The following PVALB variants were observed in gnomAD, a reference collection of about 807,000 sequenced individuals.
The protein encoded by PVALB is parvalbumin alpha.
In PVALB, 11 loss-of-function variants were observed where a neutral mutation model predicts 10.9. The ratio of observed to expected loss-of-function variants is 1.01; its 90% CI spans 0.63 to 1.67. The LOEUF is 1.67. Among genes scored for constraint, PVALB ranks in the 40% most tolerant of loss-of-function variants. The probability of loss-of-function intolerance (pLI) is 0.00; values close to 1 mark genes in which losing one functional copy is unlikely to be tolerated. For synonymous variants in PVALB, 57 were observed against 50.7 expected (o/e 1.12, Z -0.53); for missense variants, 131 against 136.2 (o/e 0.96, Z 0.19).
At chr22:36,814,122 C>T (rs953223786) in intron 2 of PVALB, among the ~76,000 whole-genome samples, 7 of 152,098 alleles carry the variant, frequency 4.6e-5, no homozygotes, top group Admixed American at 2.0e-4. Flanking sequence ...AAGGAGGTCA[C>T]GGGCTCCGAG....
At chr22:36,809,030 C>T (rs1162310065) in intron 3 of PVALB, among the ~76,000 whole-genome samples, 2 of 152,096 alleles carry the variant, frequency 1.3e-5, no homozygotes, top group African/African-American at 4.8e-5. Context: ...GTCTTCCTAC[C>T]CCCTCCCTTC....
chr22:36,817,220 C>A, upstream of PVALB: 1 of 373,548 alleles, frequency 2.7e-6, no homozygotes, highest in East Asian at 4.2e-5. Context: ...AGAAGGCGCG[C>A]GGACCTGCTA....
chr22:36,803,787 ATAAT>A (rs1938910141), intron 3 of PVALB, among the ~76,000 whole-genome samples: 2 of 152,310 alleles, frequency 1.3e-5, no homozygotes, highest in African/African-American at 4.8e-5. Flanking sequence ...CTTACTTTAT[ATAAT>A]TCACATGACA....
chr22:36,800,764 C>A lies in PVALB; in HGVS notation c.*126G>T, dbSNP rs1938849143. 5.8e-6 allele frequency: 6 copies of A among 1,040,852 alleles called. No homozygotes were observed. The highest frequency in any genetic ancestry group is 5.2e-5 in the South Asian group (4 of 77,500). The allele number at this position is 1,040,852 out of a possible 1,614,324, so 64.5% of individuals were successfully genotyped here. ...CCAGAAGAATGGTGTCATTAGAGGG[C>A]CACAGGGGATGGGGGAGTAAAAAAT... is the stretch of plus-strand genomic sequence containing the variant. On this transcript the variant is annotated 3_prime_UTR_variant, in exon 4 of 4. Coordinates refer to ENST00000417718, the MANE Select transcript of PVALB (RefSeq NM_001315532.2).
intron 3 of PVALB, 38 bp from the exon 4 acceptor site, chr22:36,800,956 G>A (rs370797818): frequency 2.9e-5 from 46 of 1,589,290 alleles, no homozygotes; most frequent in African/African-American, 2.2e-4. Flanking sequence ...AGTCAGAGGC[G>A]GGGATGCAAG....
intron 3 of PVALB, 69 bp downstream of exon 3, chr22:36,813,577 C>T: frequency 1.5e-6 from 2 of 1,307,428 alleles, no homozygotes; most frequent in Middle Eastern, 3.7e-4. Context: ...ACAGACATAG[C>T]TTCAAACTTT....
chr22:36,815,538 A>C, intron 1 of PVALB: 2 of 350,922 alleles, frequency 5.7e-6, no homozygotes, highest in African/African-American at 2.1e-5. Flanking sequence ...CTAAGAACCA[A>C]AGGCTTTTGT....
intron 1 of PVALB, chr22:36,815,469 T>A (rs1043317034): frequency 7.3e-6 from 4 of 551,332 alleles, no homozygotes; most frequent in Non-Finnish European, 1.3e-5. Flanking sequence ...TCCCTGGCTC[T>A]CAAGCCCGCC....
intron 3 of PVALB, among the ~76,000 whole-genome samples, chr22:36,808,038 C>A (rs1329701233): frequency 6.6e-6 from 1 of 152,144 alleles, no homozygotes; most frequent in African/African-American, 2.4e-5. Context: ...GGATCCATCG[C>A]CGGGAATGGG....
intron 3 of PVALB, among the ~76,000 whole-genome samples, chr22:36,806,678 A>G (rs887891877): frequency 6.6e-6 from 1 of 152,188 alleles, no homozygotes; most frequent in African/African-American, 2.4e-5. Context: ...ACTGGGAGGC[A>G]GAGTCACTCC....
At chr22:36,815,623 G>A (rs969663913) in intron 1 of PVALB, among the ~76,000 whole-genome samples, 2 of 152,156 alleles carry the variant, frequency 1.3e-5, no homozygotes, top group Admixed American at 6.5e-5. Context: ...ATTGAAGGGG[G>A]CATGAACATG....
At chr22:36,810,297 T>G (rs4820254) in intron 3 of PVALB, among the ~76,000 whole-genome samples, 76,702 of 152,108 alleles carry the variant, frequency 0.5, 21,104 homozygotes, top group African/African-American at 0.73. Flanking sequence ...TCGGGCCTTC[T>G]GGCCTTTAGA....
chr22:36,812,673 C>T (rs531793685), intron 3 of PVALB, among the ~76,000 whole-genome samples: 91 of 152,082 alleles, frequency 6.0e-4, no homozygotes, highest in Non-Finnish European at 1.2e-3. Flanking sequence ...ACCCAGATAG[C>T]CTGGGGCCCA....
At chr22:36,807,803 C>CCGCCTCTCA (rs1170181555) in intron 3 of PVALB, among the ~76,000 whole-genome samples, 7 of 152,176 alleles carry the variant, frequency 4.6e-5, no homozygotes, top group African/African-American at 7.2e-5. Flanking sequence ...CGCTACCACT[C>CCGCCTCTCA]CGCCTCTCAC....
intron 3 of PVALB, among the ~76,000 whole-genome samples, chr22:36,810,424 G>A (rs1356511003): frequency 6.6e-6 from 1 of 152,228 alleles, no homozygotes; most frequent in Non-Finnish European, 1.5e-5. Flanking sequence ...GCGTTAGGGG[G>A]TTGGGAGTGA....
chr22:36,802,671 G>A (rs1228742187), intron 3 of PVALB, among the ~76,000 whole-genome samples: 2 of 150,388 alleles, frequency 1.3e-5, no homozygotes, highest in Non-Finnish European at 3.0e-5. Flanking sequence ...GAAGGGACAC[G>A]TACCTGGGTG....
intron 3 of PVALB, 129 bp from the exon 4 acceptor site, chr22:36,801,047 G>A (rs376632419): frequency 5.5e-5 from 46 of 838,328 alleles, no homozygotes; most frequent in Middle Eastern, 2.7e-4. Flanking sequence ...GCCCCAGAGC[G>A]TAAGTGTGAA....
intron 2 of PVALB, among the ~76,000 whole-genome samples, chr22:36,814,003 T>A (rs113342709): frequency 6.6e-6 from 1 of 152,208 alleles, no homozygotes; most frequent in Admixed American, 6.5e-5. Context: ...GGAGGGCACC[T>A]ACATTCGTTA....
chr22:36,816,656 C>T (rs1939143097), intron 1 of PVALB, among the ~76,000 whole-genome samples: 1 of 152,244 alleles, frequency 6.6e-6, no homozygotes, highest in Admixed American at 6.5e-5. Flanking sequence ...CTGGTCTTCG[C>T]CCTTGGTCCC....
Sources: gnomAD v4.1 joint callset for allele counts (sites outside exome capture counted in the v4.1 genomes callset) on GRCh38, gnomAD v4.1.1 for gene constraint, MANE v1.5 for transcripts, NCBI Gene and HGNC (gene_info 2026-07-23, HGNC 2026-07-21) for gene names.